The following SEPTIN11 variants were observed in gnomAD, a reference collection of about 807,000 sequenced individuals.
SEPTIN11 encodes the protein septin 11.
In SEPTIN11, 25 loss-of-function variants were observed where a neutral mutation model predicts 51.4. The ratio of observed to expected loss-of-function variants is 0.49; its 90% confidence interval spans 0.35 to 0.68. The LOEUF is 0.68. SEPTIN11 is among the 30% of genes least tolerant of loss of function. SEPTIN11 has a pLI of 0.00. For missense variants in SEPTIN11, 381 were observed against 520.8 expected (o/e 0.73, Z 2.61); for synonymous variants, 174 against 184.1 (o/e 0.95, Z 0.44).
chr4:77,017,756 G>T (rs1394560232), intron 5 of SEPTIN11, among the ~76,000 whole-genome samples: 1 of 152,194 alleles, frequency 6.6e-6, no homozygotes, highest in African/African-American at 2.4e-5. Flanking sequence ...AATTCTTGGA[G>T]CAGCTATTTC....
chr4:76,992,914 AGGTGCTCCC>A (rs1723461721), intron 1 of SEPTIN11, among the ~76,000 whole-genome samples: 1 of 152,186 alleles, frequency 6.6e-6, no homozygotes, highest in South Asian at 2.1e-4. Flanking sequence ...CTGCAGTGTA[AGGTGCTCCC>A]TGGGGAGAAG....
At chr4:76,975,148 A>G (rs890240691) in intron 1 of SEPTIN11, among the ~76,000 whole-genome samples, 3 of 152,038 alleles carry the variant, frequency 2.0e-5, no homozygotes, top group Admixed American at 6.6e-5. Flanking sequence ...AAAAAAAAAA[A>G]AAGAAATGTA....
chr4:77,033,643 G>GC (rs1233216084), intron 9 of SEPTIN11, among the ~76,000 whole-genome samples: 1 of 152,206 alleles, frequency 6.6e-6, no homozygotes, highest in Non-Finnish European at 1.5e-5. Context: ...TGGTGGGACT[G>GC]CCCAGGGGTA....
chr4:76,949,990 G>T, intron 1 of SEPTIN11, 60 bp downstream of exon 1: 1 of 1,383,256 alleles, frequency 7.2e-7, no homozygotes, highest in Non-Finnish European at 9.3e-7. Flanking sequence ...GCTCTGGGGC[G>T]GGTGCGGTGA....
chr4:76,951,828 C>T (rs746622711), intron 1 of SEPTIN11, among the ~76,000 whole-genome samples: 1 of 152,158 alleles, frequency 6.6e-6, no homozygotes, highest in Non-Finnish European at 1.5e-5. Flanking sequence ...AACACCAAGT[C>T]GGCCAACCAT....
At chr4:76,956,993 T>TGTGTGTGTGTGTGTGTGTGTGAGA (rs769320568) in intron 1 of SEPTIN11, among the ~76,000 whole-genome samples, 13 of 98,488 alleles carry the variant, frequency 1.3e-4, no homozygotes, top group African/African-American at 4.3e-4. Flanking sequence ...TGTGTGTGTG[T>TGTGTGTGTGTGTGTGTGTGTGAGA]GAGAGAGAGA....
At chr4:77,028,165 C>G (rs763010794) in intron 7 of SEPTIN11, among the ~76,000 whole-genome samples, 1 of 152,174 alleles carries the variant, frequency 6.6e-6, no homozygotes, top group South Asian at 2.1e-4. Flanking sequence ...GTAAGTGTCA[C>G]TGTATCCACG....
chr4:76,975,212 G>A (rs954703478), intron 1 of SEPTIN11, among the ~76,000 whole-genome samples: 6 of 151,464 alleles, frequency 4.0e-5, no homozygotes, highest in African/African-American at 1.5e-4. Flanking sequence ...GGTGCCTCTC[G>A]TGTGTGTATC....
chr4:77,003,871 G>C (rs978198927), intron 2 of SEPTIN11, among the ~76,000 whole-genome samples: 2 of 152,118 alleles, frequency 1.3e-5, no homozygotes, highest in African/African-American at 4.8e-5. Context: ...CTTAGAAGAG[G>C]GGATGCTCCT....
chr4:77,016,006 A>G (rs1725196943), intron 5 of SEPTIN11, among the ~76,000 whole-genome samples: 1 of 152,212 alleles, frequency 6.6e-6, no homozygotes, highest in Non-Finnish European at 1.5e-5. Flanking sequence ...TGTAGATAAC[A>G]GACCCTGTTT....
At chr4:76,974,889 G>A (rs535022623) in intron 1 of SEPTIN11, 20 of 455,804 alleles carry the variant, frequency 4.4e-5, no homozygotes, top group South Asian at 2.2e-4. Context: ...TTGGGAGGCC[G>A]AGGCAGGCAG....
intron 1 of SEPTIN11, among the ~76,000 whole-genome samples, chr4:76,959,980 C>T (rs945915500): frequency 6.6e-6 from 1 of 152,062 alleles, no homozygotes; most frequent in African/African-American, 2.4e-5. Flanking sequence ...AGCATTTATC[C>T]TTTGTGTTTC....
Position 77,008,624 on chromosome 4 carries a change from T to A in SEPTIN11, c.338+2828T>A, listed in dbSNP as rs138864741. Among the ~76,000 whole-genome samples, 1,090 of 152,288 alleles carry A rather than the reference T, an allele frequency of 7.2e-3. 14 individuals carry two copies. Among genetic ancestry groups the A allele is most frequent in the African/African-American group, 0.025 (1,039 of 41,550 alleles). On this transcript the variant is annotated intron_variant, in intron 3 of 9. Coordinates refer to ENST00000264893, the MANE Select transcript of SEPTIN11 (RefSeq NM_018243.4). ...TCAGTGGGTAGGTTGGATGGATGGA[T>A]CACATTGTCTAAGTATCTTTTTCCA...
chr4:76,954,208 T>C (rs2645698), intron 1 of SEPTIN11, among the ~76,000 whole-genome samples: 8,891 of 152,290 alleles, frequency 0.058, 483 homozygotes, highest in African/African-American at 0.13. Flanking sequence ...ATCATGATCA[T>C]CGGATTTAGA....
intron 1 of SEPTIN11, among the ~76,000 whole-genome samples, chr4:76,950,601 G>T (rs931222933): frequency 6.6e-6 from 1 of 152,054 alleles, no homozygotes; most frequent in South Asian, 2.1e-4. Context: ...AGGCTGGGAC[G>T]CGAGGAAGAG....
intron 5 of SEPTIN11, among the ~76,000 whole-genome samples, chr4:77,016,634 A>ATATATATATATATATATATG (rs1725299581): frequency 3.5e-5 from 2 of 57,176 alleles, no homozygotes; most frequent in Non-Finnish European, 6.6e-5. Context: ...ATATATACAC[A>ATATATATATATATATATATG]TATATATATA....
rs112208923 is a variant in SEPTIN11, at chr4:77,030,149, G to A, written c.1087-634G>A. Among the ~76,000 whole-genome samples the A allele has an allele frequency of 3.6e-3, 544 of 152,144 alleles. 3 individuals are homozygous for A. The highest frequency in any genetic ancestry group is 0.012 in the African/African-American group (513 of 41,508). On this transcript the variant is annotated intron_variant, in intron 8 of 9. Coordinates refer to ENST00000264893, the MANE Select transcript of SEPTIN11 (RefSeq NM_018243.4). Reference sequence around the variant, plus strand: ...CGCATGCCCATAATCCCAGCTACTCGAGAGGCTGAAGCAGGAGAATTGCTT... The same window carrying A: ...CGCATGCCCATAATCCCAGCTACTCAAGAGGCTGAAGCAGGAGAATTGCTT...
chr4:76,960,701 T>G (rs1421727728), intron 1 of SEPTIN11, among the ~76,000 whole-genome samples: 3 of 152,208 alleles, frequency 2.0e-5, no homozygotes, highest in Non-Finnish European at 2.9e-5. Flanking sequence ...ATGCTTTTAT[T>G]CCTCAGTGGC....
At chr4:77,005,559 G>C in intron 2 of SEPTIN11, 42 bp from the exon 3 acceptor site, 1 of 1,543,058 alleles carries the variant, frequency 6.5e-7, no homozygotes, top group Non-Finnish European at 8.9e-7. Context: ...ATGTCTGAGA[G>C]ACATTGACAC....
Sources: allele counts gnomAD v4.1 joint callset (sites outside exome capture counted in the v4.1 genomes callset), GRCh38; gene constraint gnomAD v4.1.1; transcripts MANE v1.5; gene names NCBI Gene and HGNC (gene_info 2026-07-23, HGNC 2026-07-21).